Variants in GPC5 observed in about 807,000 individuals in gnomAD.
GPC5 encodes glypican 5.
In GPC5, 47 loss-of-function variants were observed where a neutral mutation model predicts 53.9. That is an observed-to-expected ratio of 0.87 (90% CI 0.69 to 1.11). The LOEUF (loss-of-function observed/expected upper bound fraction) is 1.11, where lower values mean the gene tolerates loss of function less well. Among genes scored for constraint, GPC5 ranks in the 50% most tolerant of loss-of-function variants. The pLI is 0.00. For synonymous variants in GPC5, 286 were observed against 263.3 expected (o/e 1.09, Z -0.84); for missense variants, 748 against 713.1 (o/e 1.05, Z -0.56).
chr13:91,399,353 A>T (rs1876744979), intron 1 of GPC5, 144 bp downstream of exon 1: 1 of 1,013,336 alleles, frequency 9.9e-7, no homozygotes, highest in South Asian at 1.7e-5. Context: ...GCTTCCGGGG[A>T]TGCTTGGTGC....
chr13:92,623,183 G>A (rs900167106), intron 7 of GPC5, among the ~76,000 whole-genome samples: 12 of 151,474 alleles, frequency 7.9e-5, no homozygotes, highest in Middle Eastern at 3.4e-3. Context: ...AAAAAGAAAA[G>A]TGAAAAGTTA....
chr13:91,869,553 G>A (rs768596936), intron 5 of GPC5, among the ~76,000 whole-genome samples: 2 of 151,838 alleles, frequency 1.3e-5, no homozygotes, highest in Non-Finnish European at 1.5e-5. Flanking sequence ...TAACTTATAC[G>A]TTTTCTCCTA....
intron 1 of GPC5, among the ~76,000 whole-genome samples, chr13:91,414,364 G>A (rs1594055861): frequency 6.6e-6 from 1 of 152,336 alleles, no homozygotes; most frequent in East Asian, 1.9e-4. Context: ...CAAGTTTCCT[G>A]AGGCCTCTCC....
intron 3 of GPC5, among the ~76,000 whole-genome samples, chr13:91,712,206 A>T (rs1478454712): frequency 6.6e-6 from 1 of 152,122 alleles, no homozygotes; most frequent in Non-Finnish European, 1.5e-5. Flanking sequence ...TGATTTATCC[A>T]TATGCACCGA....
chr13:92,663,901 TATAC>T (rs1886477546), intron 7 of GPC5, among the ~76,000 whole-genome samples: 12 of 35,252 alleles, frequency 3.4e-4, no homozygotes, highest in African/African-American at 9.3e-4. Context: ...TATATATATA[TATAC>T]ACACACACAC....
At chr13:92,712,421 A>G (rs1343287675) in intron 7 of GPC5, among the ~76,000 whole-genome samples, 1 of 150,996 alleles carries the variant, frequency 6.6e-6, no homozygotes, top group African/African-American at 2.4e-5. Flanking sequence ...TAAATGTCAA[A>G]GGTAAAACCA....
chr13:92,457,652 G>T (rs1319835182), intron 7 of GPC5, among the ~76,000 whole-genome samples: 1 of 152,142 alleles, frequency 6.6e-6, no homozygotes, highest in African/African-American at 2.4e-5. Flanking sequence ...ACATGGCTTT[G>T]TGTATCTCGC....
chr13:92,411,480 TTC>T (rs1876040903), intron 7 of GPC5, among the ~76,000 whole-genome samples: 1 of 152,188 alleles, frequency 6.6e-6, no homozygotes, highest in Admixed American at 6.6e-5. Flanking sequence ...GGAGAAACAT[TTC>T]TCTTTTCCCT....
At chr13:91,614,703 T>C (rs1432789863) in intron 2 of GPC5, among the ~76,000 whole-genome samples, 1 of 152,058 alleles carries the variant, frequency 6.6e-6, no homozygotes, top group Non-Finnish European at 1.5e-5. Context: ...AGAAGAGAAA[T>C]CTGACAGTGG....
chr13:92,254,829 A>G (rs899138180), intron 7 of GPC5, among the ~76,000 whole-genome samples: 7 of 152,060 alleles, frequency 4.6e-5, no homozygotes, highest in Admixed American at 2.6e-4. Context: ...AGCATAGGGG[A>G]ACTGCCCCAT....
chr13:92,249,773 GT>G (rs369341212), intron 7 of GPC5, among the ~76,000 whole-genome samples: 58 of 152,078 alleles, frequency 3.8e-4, no homozygotes, highest in African/African-American at 1.4e-3. Context: ...AATTGCTTCC[GT>G]TTTGTCAACA....
chr13:92,527,163 AGAAAGAAAGAG>A lies in GPC5; in HGVS notation c.1562-339118_1562-339108del, dbSNP rs1566276688. ...AAGAAAGAAAGAAAGAAAGAAAGAA[AGAAAGAAAGAG>A]AAAGAAAGAAGAAAGAAAGAAAGAA... On this transcript the variant is annotated intron_variant, in intron 7 of 7. Coordinates refer to ENST00000377067, the MANE Select transcript of GPC5 (RefSeq NM_004466.6). Among the ~76,000 whole-genome samples the A allele has an allele frequency of 1.8e-4, 23 of 125,476 alleles. 1 individual carries two copies. Among genetic ancestry groups the A allele is most frequent in the African/African-American group, 7.1e-4 (23 of 32,500 alleles). 82.3% of individuals were successfully genotyped at this position (125,476 alleles called of 152,430 possible).
intron 7 of GPC5, among the ~76,000 whole-genome samples, chr13:92,337,370 C>T (rs997969423): frequency 6.6e-6 from 1 of 152,064 alleles, no homozygotes; most frequent in African/African-American, 2.4e-5. Flanking sequence ...TAGTTCTTCA[C>T]AACTGGATCG....
chr13:92,131,664 GT>G (rs1342865741), intron 6 of GPC5, among the ~76,000 whole-genome samples: 1 of 151,898 alleles, frequency 6.6e-6, no homozygotes, highest in Non-Finnish European at 1.5e-5. Context: ...GTAAACAGAG[GT>G]CAGTATAGGA....
intron 7 of GPC5, among the ~76,000 whole-genome samples, chr13:92,792,862 C>T (rs1388602599): frequency 1.3e-5 from 2 of 152,140 alleles, no homozygotes; most frequent in Non-Finnish European, 2.9e-5. Context: ...GCAACCAATA[C>T]TGCGGCACCC....
At chr13:92,528,566 A>G (rs72640266) in intron 7 of GPC5, among the ~76,000 whole-genome samples, 16,130 of 151,976 alleles carry the variant, frequency 0.11, 1,210 homozygotes, top group African/African-American at 0.21. Context: ...ATCAAAATTT[A>G]AGTGATTTAT....
At chr13:91,653,751 A>G (rs2034777180) in intron 2 of GPC5, among the ~76,000 whole-genome samples, 1 of 152,092 alleles carries the variant, frequency 6.6e-6, no homozygotes. Context: ...GCAAGTTATG[A>G]TTAATTAAAT....
chr13:92,826,943 T>C (rs989398973), intron 7 of GPC5, among the ~76,000 whole-genome samples: 1 of 152,164 alleles, frequency 6.6e-6, no homozygotes, highest in Non-Finnish European at 1.5e-5. Context: ...TCATTAATCA[T>C]AGACATTTCA....
intron 5 of GPC5, among the ~76,000 whole-genome samples, chr13:91,804,425 A>AAAG (rs2038187643): frequency 6.6e-6 from 1 of 152,180 alleles, no homozygotes; most frequent in Admixed American, 6.6e-5. Flanking sequence ...TACAATCATG[A>AAAG]CATTGGTTTT....
Sources: allele counts gnomAD v4.1 joint callset (sites outside exome capture counted in the v4.1 genomes callset), GRCh38; gene constraint gnomAD v4.1.1; transcripts MANE v1.5; gene names NCBI Gene and HGNC (gene_info 2026-07-23, HGNC 2026-07-21).